The following FCHO2 variants were observed in gnomAD, a reference collection of about 807,000 sequenced individuals.
FCHO2 encodes FCH and mu domain containing endocytic adaptor 2, also known as F-BAR domain only protein 2.
In FCHO2, 43 loss-of-function variants were observed where a neutral mutation model predicts 114.1. The ratio of observed to expected loss-of-function variants is 0.38; its 90% CI spans 0.30 to 0.49. FCHO2 has a LOEUF of 0.49. Ranked by LOEUF, FCHO2 falls within the 20% of genes least tolerant of loss-of-function variation. FCHO2 has a pLI of 0.97. For missense variants in FCHO2, 807 were observed against 950.4 expected (o/e 0.85, Z 1.98); for synonymous variants, 293 against 315.2 (o/e 0.93, Z 0.75).
intron 10 of FCHO2, chr5:73,038,255 A>G (rs1387052699): frequency 1.3e-5 from 2 of 152,184 alleles, no homozygotes; most frequent in Non-Finnish European, 2.9e-5. Context: ...ATTAAATCAG[A>G]TTCTCTAAGC....
intron 5 of FCHO2, among the ~76,000 whole-genome samples, chr5:72,999,330 A>T (rs967415800): frequency 6.7e-6 from 1 of 149,264 alleles, no homozygotes; most frequent in Non-Finnish European, 1.5e-5. Flanking sequence ...CATAAATACT[A>T]TAGGTGTTAT....
chr5:73,087,855 A>C (rs1743363853), intron 25 of FCHO2, 102 bp downstream of exon 25: 4 of 1,486,374 alleles, frequency 2.7e-6, no homozygotes, highest in Non-Finnish European at 3.6e-6. Flanking sequence ...AAGACATGGA[A>C]ATTTTTTCTT....
chr5:73,026,119 G>A (rs73098091), intron 8 of FCHO2, among the ~76,000 whole-genome samples: 1,574 of 152,176 alleles, frequency 0.01, 28 homozygotes, highest in African/African-American at 0.036. Flanking sequence ...GGCAAGGATC[G>A]AGGTAGAGAG....
intron 1 of FCHO2, among the ~76,000 whole-genome samples, chr5:72,956,794 C>G (rs1011999546): frequency 1.3e-5 from 2 of 152,090 alleles, no homozygotes; most frequent in African/African-American, 4.8e-5. Flanking sequence ...ACTCTGTGCT[C>G]CTTCCCCTTC....
chr5:72,990,821 A>G lies in FCHO2; in HGVS notation c.452A>G (p.Glu151Gly). The change falls in exon 5 of 26, where the codon GAG becomes GGG. Residue 151 changes from glutamate to glycine, a missense_variant. Coordinates refer to ENST00000430046, the MANE Select transcript of FCHO2 (RefSeq NM_138782.3). ...TACAATGCCAAGTGTGTAGAACAGG[A>G]GCGTTTGAAAAAGGAAGGAGCTACA... Reference protein sequence around the residue: ...ENYNAKCVEQERLKKEGATQR... With the variant: ...ENYNAKCVEQGRLKKEGATQR... The G allele has an allele frequency of 6.4e-7, 1 of 1,551,816 alleles. No homozygotes were observed. The highest frequency in any genetic ancestry group is 8.7e-7 in the Non-Finnish European group (1 of 1,147,072).
At chr5:73,051,125 C>G (rs1757318037) in intron 11 of FCHO2, 4 of 384,610 alleles carry the variant, frequency 1.0e-5, no homozygotes, top group Middle Eastern at 7.2e-4. Context: ...TCTCCTGTTT[C>G]ATTTTGCAGG....
At chr5:73,023,700 CAA>C (rs201431388) in intron 8 of FCHO2, among the ~76,000 whole-genome samples, 19 of 127,500 alleles carry the variant, frequency 1.5e-4, no homozygotes, top group Admixed American at 3.2e-4. Flanking sequence ...AACTCCATCT[CAA>C]AAAAAAAAAA....
chr5:73,073,448 T>C (rs1311650783), intron 19 of FCHO2, among the ~76,000 whole-genome samples: 2 of 152,092 alleles, frequency 1.3e-5, no homozygotes, highest in East Asian at 3.9e-4. Flanking sequence ...TGCTTCTGCT[T>C]TGCAAAACTA....
chr5:73,044,532 A>G (rs1756965817), intron 11 of FCHO2, among the ~76,000 whole-genome samples: 1 of 152,174 alleles, frequency 6.6e-6, no homozygotes, highest in Admixed American at 6.5e-5. Flanking sequence ...TTATTTTTTA[A>G]AACATCAATA....
chr5:72,983,547 CTTTTTTTTTTTT>C (rs35592345), intron 2 of FCHO2, among the ~76,000 whole-genome samples: 2 of 112,898 alleles, frequency 1.8e-5, no homozygotes, highest in African/African-American at 3.3e-5. Context: ...AGTGACAATA[CTTTTTTTTTTTT>C]TTTTTTTTTT....
chr5:73,030,064 CAG>C (rs946003983), intron 8 of FCHO2, among the ~76,000 whole-genome samples: 2 of 134,362 alleles, frequency 1.5e-5, no homozygotes, highest in African/African-American at 5.6e-5. Context: ...TTTTTTGAGA[CAG>C]AGTCTTGCCC....
intron 10 of FCHO2, chr5:73,037,759 T>TC (rs1756594754): frequency 4.9e-6 from 2 of 404,348 alleles, no homozygotes; most frequent in Non-Finnish European, 9.6e-6. Context: ...TGATTTACCT[T>TC]CTTTTTTTTT....
intron 3 of FCHO2, 49 bp from the exon 4 acceptor site, chr5:72,990,429 T>C: frequency 7.1e-7 from 1 of 1,404,568 alleles, no homozygotes; most frequent in Non-Finnish European, 9.5e-7. Flanking sequence ...GAACCTTAAT[T>C]TTCTTTTTTA....
chr5:73,073,714 A>G (rs1742779644), intron 19 of FCHO2, among the ~76,000 whole-genome samples: 1 of 152,138 alleles, frequency 6.6e-6, no homozygotes, highest in African/African-American at 2.4e-5. Context: ...ATTAATATTT[A>G]CGGTATCTCA....
chr5:73,006,989 G>A (rs1754752664), intron 6 of FCHO2, among the ~76,000 whole-genome samples: 1 of 152,192 alleles, frequency 6.6e-6, no homozygotes. Flanking sequence ...ATTTGGTGTA[G>A]TGTTCTTAGA....
rs543692711 is a variant in FCHO2 at position 73,088,751 on chromosome 5, T to G, written c.*661T>G. ...AGCTTGCAAATGACAGCAGAGACAT[T>G]TACTTCTGCAGTTAGTTAACTTTAT... On this transcript the variant is annotated 3_prime_UTR_variant, in exon 26 of 26. Coordinates refer to ENST00000430046, the MANE Select transcript of FCHO2 (RefSeq NM_138782.3). 2 of 152,760 alleles carry G rather than the reference T, an allele frequency of 1.3e-5. No individual in the cohort carries two copies. Among genetic ancestry groups the G allele is most frequent in the East Asian group, 3.9e-4 (2 of 5,186 alleles). 9.5% of individuals were successfully genotyped at this position (152,760 alleles called of 1,614,324 possible). A position where few individuals can be genotyped will look rare whatever the true frequency, so the allele number is the denominator to read the frequency against.
intron 6 of FCHO2, among the ~76,000 whole-genome samples, chr5:73,014,762 C>T (rs184351335): frequency 9.5e-4 from 145 of 151,926 alleles, no homozygotes; most frequent in Non-Finnish European, 1.5e-3. Context: ...TTTCTGATCA[C>T]GATTATAGAT....
intron 8 of FCHO2, among the ~76,000 whole-genome samples, chr5:73,019,255 G>C (rs1755477762): frequency 6.6e-6 from 1 of 152,138 alleles, no homozygotes; most frequent in South Asian, 2.1e-4. Flanking sequence ...AATTCATAAA[G>C]AATTTTGTGA....
intron 2 of FCHO2, among the ~76,000 whole-genome samples, chr5:72,984,933 T>A (rs1257654935): frequency 6.6e-6 from 1 of 151,890 alleles, no homozygotes; most frequent in Non-Finnish European, 1.5e-5. Context: ...GTTGCACCTG[T>A]CCTAATTTCT....
Sources: gnomAD v4.1 joint callset for allele counts (sites outside exome capture counted in the v4.1 genomes callset) on GRCh38, gnomAD v4.1.1 for gene constraint, MANE v1.5 for transcripts, NCBI Gene and HGNC (gene_info 2026-07-23, HGNC 2026-07-21) for gene names.